The following CP variants were observed in gnomAD, a reference collection of about 807,000 sequenced individuals.
CP encodes caeruloplasmin.
CP carries 64 observed loss-of-function variants against 122.4 expected under a neutral mutation model. The ratio of observed to expected loss-of-function variants is 0.52; its 90% confidence interval spans 0.43 to 0.64. CP has a LOEUF of 0.64. Ranked by LOEUF, CP falls within the 30% of genes least tolerant of loss-of-function variation. The pLI is 0.00. For synonymous variants in CP, 440 were observed against 436.4 expected (o/e 1.01, Z -0.10); for missense variants, 1,167 against 1,284.4 (o/e 0.91, Z 1.40).
Position 149,162,858 on chromosome 3 carries a change from T to C in CP, c.*31A>G, listed in dbSNP as rs1724018989. ...GAGGCAGCCTCCTGACACCACACCA[T>C]TGCGAACATCGGAGGATCTGGTAAG... On this transcript the variant is annotated 3_prime_UTR_variant, in exon 6 of 6. Transcript: ENST00000479771. The C allele has an allele frequency of 6.2e-7, 1 of 1,613,776 alleles. No homozygotes were observed. Among genetic ancestry groups the C allele is most frequent in the African/African-American group, 1.3e-5 (1 of 75,042 alleles).
At chr3:149,190,076 GAA>G (rs1454212589) in intron 9 of CP, among the ~76,000 whole-genome samples, 1 of 151,756 alleles carries the variant, frequency 6.6e-6, no homozygotes, top group Non-Finnish European at 1.5e-5. Flanking sequence ...TAGTTACAGA[GAA>G]AAATTAACAA....
intron 2 of CP, among the ~76,000 whole-genome samples, chr3:149,210,948 T>C (rs759897989): frequency 6.6e-6 from 1 of 152,188 alleles, no homozygotes; most frequent in Non-Finnish European, 1.5e-5. Context: ...TCATATTCCA[T>C]TCATAAATAC....
At chr3:149,212,357 G>A (rs1023861738) in intron 2 of CP, 94 bp downstream of exon 2, 47 of 1,363,194 alleles carry the variant, frequency 3.4e-5, no homozygotes, top group Non-Finnish European at 4.9e-5. Flanking sequence ...GCAGTTATAT[G>A]TCTTATCCAG....
chr3:149,165,886 T>C, intron 5 of CP: 4 of 408,770 alleles, frequency 9.8e-6, no homozygotes, highest in South Asian at 3.6e-5. Flanking sequence ...TGCCATCTGA[T>C]TGTCAGGAAA....
At chr3:149,197,919 T>G (rs1028272584) in intron 9 of CP, among the ~76,000 whole-genome samples, 4 of 152,290 alleles carry the variant, frequency 2.6e-5, no homozygotes, top group African/African-American at 9.6e-5. Context: ...CCTCCTGCTG[T>G]GTGGCCCATG....
At chr3:149,201,114 T>C (rs1727278557) in intron 7 of CP, among the ~76,000 whole-genome samples, 1 of 148,766 alleles carries the variant, frequency 6.7e-6, no homozygotes. Flanking sequence ...CTGGGATTGA[T>C]TGATTGATTG....
intron 1 of CP, among the ~76,000 whole-genome samples, chr3:149,218,201 T>TTGAATATTAATTGA (rs1409215983): frequency 6.6e-6 from 1 of 152,230 alleles, no homozygotes; most frequent in African/African-American, 2.4e-5. Context: ...TTTGCTATTA[T>TTGAATATTAATTGA]ATAGTCAATT....
At chr3:149,178,112 G>A (rs984729714) in intron 16 of CP, 133 bp from the exon 17 acceptor site, 8 of 851,328 alleles carry the variant, frequency 9.4e-6, no homozygotes, top group South Asian at 9.0e-5. Context: ...CTACAAATGA[G>A]AGAAATGGAT....
intron 5 of CP, chr3:149,163,749 G>A (rs1336329849): frequency 1.2e-5 from 9 of 734,726 alleles, no homozygotes; most frequent in Non-Finnish European, 1.9e-5. Flanking sequence ...CTATGACATG[G>A]CAGAGAATTA....
chr3:149,164,090 A>G (rs1724168256), intron 5 of CP: 1 of 591,080 alleles, frequency 1.7e-6, no homozygotes, highest in East Asian at 2.9e-5. Flanking sequence ...CATACTCAGG[A>G]GACTTGGAGG....
At chr3:149,177,236 C>T (rs1314096782) in intron 17 of CP, among the ~76,000 whole-genome samples, 3 of 152,152 alleles carry the variant, frequency 2.0e-5, no homozygotes, top group Non-Finnish European at 4.4e-5. Context: ...GGTCTCTACT[C>T]TCATCCATCA....
Position 149,210,397 on chromosome 3 carries a change from A to G in CP, c.395-18T>C, listed in dbSNP as rs377107229. On this transcript the variant is annotated intron_variant, in intron 2 of 18. Coordinates refer to ENST00000264613, the MANE Select transcript of CP (RefSeq NM_000096.4). ...GATGGCCCCTAGGAAGCAACATGCA[A>G]TGAAGGTGCAAAGTGAATGTGTTTG... is the stretch of plus-strand genomic sequence containing the variant. 8.7e-6 allele frequency: 14 copies of G among 1,604,888 alleles called. No homozygotes were observed. The African/African-American group carries it at 1.6e-4, about 18-fold the overall frequency.
Position 149,186,539 on chromosome 3 carries a change from G to T in CP, c.2058C>A (p.His686Gln). ...ATATACCCTCTGTGTCAGGCCACAT[G>T]TGGAGCGTAAGACTTGTTTGAGGGA... The part of the protein sequence containing the change: ...NLFPQTSLTL[H>Q]MWPDTEGTFN... Residue 686 changes from histidine (H) to glutamine (Q), a missense_variant, in exon 11 of 19, where the codon CAC becomes CAA. Coordinates refer to ENST00000264613, the MANE Select transcript of CP (RefSeq NM_000096.4). 6.2e-7 allele frequency: 1 copy of T among 1,614,178 alleles called. No individual in the cohort carries two copies. The highest frequency in any genetic ancestry group is 8.5e-7 in the Non-Finnish European group (1 of 1,180,004).
intron 9 of CP, among the ~76,000 whole-genome samples, chr3:149,192,352 A>G (rs976216496): frequency 1.3e-5 from 2 of 152,076 alleles, no homozygotes; most frequent in Non-Finnish European, 2.9e-5. Context: ...TTTAGAAAAG[A>G]TAAAACTTAG....
chr3:149,214,168 C>T (rs1377699970), intron 1 of CP, among the ~76,000 whole-genome samples: 5 of 152,072 alleles, frequency 3.3e-5, no homozygotes, highest in Admixed American at 2.6e-4. Context: ...TTCCTGATAC[C>T]ATGAGACAGA....
chr3:149,207,643 A>T, intron 4 of CP, 26 bp from the exon 5 acceptor site: 1 of 1,613,128 alleles, frequency 6.2e-7, no homozygotes, highest in South Asian at 1.1e-5. Context: ...AGAGTTTGTG[A>T]CTAAGAGTCA....
At chr3:149,200,923 T>A (rs1421738730) in intron 7 of CP, among the ~76,000 whole-genome samples, 3 of 152,088 alleles carry the variant, frequency 2.0e-5, no homozygotes, top group Non-Finnish European at 4.4e-5. Flanking sequence ...AAAAGTATTA[T>A]ACCTCTGAGT....
At chr3:149,179,993 G>A in intron 14 of CP, 1 of 296,790 alleles carries the variant, frequency 3.4e-6, no homozygotes, top group Non-Finnish European at 6.5e-6. Context: ...AGCTTGAAGT[G>A]TGTTTTCCTA....
At chr3:149,197,772 T>C (rs1417427006) in intron 9 of CP, among the ~76,000 whole-genome samples, 1 of 152,124 alleles carries the variant, frequency 6.6e-6, no homozygotes, top group Non-Finnish European at 1.5e-5. Context: ...CAGTTCACAA[T>C]AGGATTTGCG....
Sources: gnomAD v4.1 joint callset for allele counts (sites outside exome capture counted in the v4.1 genomes callset) on GRCh38, gnomAD v4.1.1 for gene constraint, MANE v1.5 for transcripts, NCBI Gene and HGNC (gene_info 2026-07-23, HGNC 2026-07-21) for gene names.